Variants in DLGAP2 observed in about 807,000 individuals in gnomAD.
The protein encoded by DLGAP2 is disks large-associated protein 2.
In DLGAP2, 26 loss-of-function variants were observed where a neutral mutation model predicts 100.3. The observed-to-expected ratio is 0.26, with a 90% confidence interval of 0.19 to 0.36. The LOEUF is 0.36. DLGAP2 is among the 10% of genes least tolerant of loss of function. The pLI is 1.00. For missense variants in DLGAP2, 1,858 were observed against 1,453.2 expected (o/e 1.28, Z -4.53); for synonymous variants, 886 against 630.1 (o/e 1.41, Z -6.08).
intron 2 of DLGAP2, among the ~76,000 whole-genome samples, chr8:966,401 G>A (rs1020056620): frequency 1.3e-5 from 2 of 152,128 alleles, no homozygotes; most frequent in African/African-American, 4.8e-5. Context: ...TAAGTATCGA[G>A]GAAGCTTCCA....
chr8:861,290 G>T (rs936723519), intron 1 of DLGAP2, among the ~76,000 whole-genome samples: 7 of 152,144 alleles, frequency 4.6e-5, no homozygotes, highest in Non-Finnish European at 8.8e-5. Flanking sequence ...CGTAGGTTAG[G>T]TACAGACACT....
chr8:1,175,856 A>C lies in DLGAP2; in HGVS notation c.74-82995A>C, dbSNP rs566251197. ...CGGCATTGGATTTACACAAACCTAG[A>C]TTAAAACCCTGTGCCCGTTGTTTAT... On this transcript the variant is annotated intron_variant, in intron 2 of 14. Coordinates refer to ENST00000637795, the MANE Select transcript of DLGAP2 (RefSeq NM_001346810.2). Among the ~76,000 whole-genome samples the C allele has an allele frequency of 3.3e-5, 5 of 152,328 alleles. No individual in the cohort carries two copies. The East Asian group carries it at 9.7e-4, about 29-fold the overall frequency.
intron 8 of DLGAP2, among the ~76,000 whole-genome samples, chr8:1,663,733 G>T (rs777317699): frequency 6.6e-6 from 1 of 152,088 alleles, no homozygotes; most frequent in South Asian, 2.1e-4. Flanking sequence ...TCAACTGCAG[G>T]GAGTGGTAAA....
chr8:1,024,858 T>A (rs1025636099), intron 2 of DLGAP2, among the ~76,000 whole-genome samples: 2 of 152,158 alleles, frequency 1.3e-5, no homozygotes, highest in African/African-American at 4.8e-5. Context: ...GTGACTCCAT[T>A]TCCCAACTGC....
At chr8:1,303,168 C>G (rs538542740) in intron 3 of DLGAP2, among the ~76,000 whole-genome samples, 1 of 152,082 alleles carries the variant, frequency 6.6e-6, no homozygotes, top group African/African-American at 2.4e-5. Context: ...AAGGCCGAGG[C>G]GGGTGGATCA....
intron 2 of DLGAP2, among the ~76,000 whole-genome samples, chr8:1,056,549 C>G (rs560548720): frequency 6.6e-6 from 1 of 152,340 alleles, no homozygotes; most frequent in South Asian, 2.1e-4. Context: ...CCTAAGCCAG[C>G]AGGACTCCAA....
intron 2 of DLGAP2, among the ~76,000 whole-genome samples, chr8:1,037,580 T>G (rs2129029371): frequency 6.6e-6 from 1 of 152,356 alleles, no homozygotes; most frequent in East Asian, 1.9e-4. Flanking sequence ...CTTTATCCTC[T>G]AAGGGGTTAA....
intron 2 of DLGAP2, chr8:1,104,795 T>C: frequency 6.6e-6 from 1 of 152,180 alleles, no homozygotes; most frequent in East Asian, 1.9e-4. Context: ...CCGGGACCAC[T>C]CGCACCTGCT....
chr8:836,068 C>T (rs1451916297), intron 1 of DLGAP2, among the ~76,000 whole-genome samples: 3 of 152,212 alleles, frequency 2.0e-5, no homozygotes, highest in Non-Finnish European at 4.4e-5. Flanking sequence ...ATGTAAAGGA[C>T]ACCCGCAGCC....
chr8:1,172,280 T>A lies in DLGAP2; in HGVS notation c.74-86571T>A, dbSNP rs545788670. On this transcript the variant is annotated intron_variant, in intron 2 of 14. Coordinates refer to ENST00000637795, the MANE Select transcript of DLGAP2 (RefSeq NM_001346810.2). ...TGTTAGTCTGATGGGCTTCCCTTTG[T>A]GGGTAACCCGACCTTTCTCTCTGGC... Among the ~76,000 whole-genome samples the A allele has an allele frequency of 2.7e-4, 41 of 152,332 alleles. 1 individual carries two copies. Among genetic ancestry groups the A allele is most frequent in the African/African-American group, 8.2e-4 (34 of 41,590 alleles).
chr8:777,576 T>G (rs2132618298), intron 1 of DLGAP2, among the ~76,000 whole-genome samples: 1 of 152,272 alleles, frequency 6.6e-6, no homozygotes, highest in South Asian at 2.1e-4. Context: ...CATTTGCTTG[T>G]CTGTAAAGTA....
At chr8:1,562,990 G>C (rs1802233184) in intron 5 of DLGAP2, among the ~76,000 whole-genome samples, 2 of 69,546 alleles carry the variant, frequency 2.9e-5, no homozygotes, top group Non-Finnish European at 5.5e-5. Context: ...GTGTGGTGTT[G>C]GGGTGTCCGC....
At chr8:1,483,221 T>A (rs1475890588) in intron 3 of DLGAP2, among the ~76,000 whole-genome samples, 1 of 152,050 alleles carries the variant, frequency 6.6e-6, no homozygotes. Flanking sequence ...CCGTACTTTG[T>A]GGGGAAACTC....
intron 2 of DLGAP2, among the ~76,000 whole-genome samples, chr8:963,015 C>T (rs933852033): frequency 1.3e-5 from 2 of 152,200 alleles, no homozygotes; most frequent in Admixed American, 6.5e-5. Flanking sequence ...AGCCCTCGCA[C>T]AGCCATGCTG....
intron 1 of DLGAP2, among the ~76,000 whole-genome samples, chr8:824,028 CTTTTT>C (rs201660252): frequency 7.9e-4 from 3 of 3,800 alleles, no homozygotes; most frequent in Non-Finnish European, 3.1e-3. Context: ...ATTTCTTCTT[CTTTTT>C]TTTCTTCTTC....
chr8:1,410,747 T>G (rs532532924), intron 3 of DLGAP2, among the ~76,000 whole-genome samples: 10 of 152,286 alleles, frequency 6.6e-5, no homozygotes, highest in African/African-American at 2.4e-4. Flanking sequence ...AGATGCTGAT[T>G]TGGAACCTGG....
chr8:1,606,261 G>T (rs1796795739), intron 6 of DLGAP2, among the ~76,000 whole-genome samples: 1 of 151,956 alleles, frequency 6.6e-6, no homozygotes, highest in African/African-American at 2.4e-5. Flanking sequence ...CCTTTATTGA[G>T]TTATGATTTA....
chr8:1,412,751 G>A (rs994817895), intron 3 of DLGAP2, among the ~76,000 whole-genome samples: 2 of 152,264 alleles, frequency 1.3e-5, no homozygotes, highest in South Asian at 2.1e-4. Context: ...CAGGCAAAAG[G>A]CAATTGCCAG....
intron 3 of DLGAP2, among the ~76,000 whole-genome samples, chr8:1,277,794 T>A (rs1799734232): frequency 6.6e-6 from 1 of 152,056 alleles, no homozygotes; most frequent in African/African-American, 2.4e-5. Context: ...ACCTCACCTT[T>A]CTCCGCACGT....
Sources: allele counts gnomAD v4.1 joint callset (sites outside exome capture counted in the v4.1 genomes callset), GRCh38; gene constraint gnomAD v4.1.1; transcripts MANE v1.5; gene names NCBI Gene and HGNC (gene_info 2026-07-23, HGNC 2026-07-21).